The following EYA2 variants were observed in gnomAD, a reference collection of about 807,000 sequenced individuals.
EYA2 encodes protein phosphatase EYA2.
Under a neutral mutation model 69.2 loss-of-function variants are expected in EYA2, and 31 were observed. The ratio of observed to expected loss-of-function variants is 0.45; its 90% CI spans 0.34 to 0.60. The LOEUF (loss-of-function observed/expected upper bound fraction) is 0.60, where lower values mean the gene tolerates loss of function less well. Ranked by LOEUF, EYA2 falls within the 20% of genes least tolerant of loss-of-function variation. EYA2 has a pLI of 0.02. For missense variants in EYA2, 622 were observed against 701.2 expected, an observed-to-expected ratio of 0.89 and a Z score of 1.28; for synonymous variants, 257 against 279.4, an observed-to-expected ratio of 0.92 and a Z score of 0.80.
chr20:47,072,231 C>T lies in EYA2; in HGVS notation c.462C>T (p.Ala154=), dbSNP rs1174438598. 1.5e-5 allele frequency: 24 copies of T among 1,612,412 alleles called. No individual in the cohort carries two copies. Among genetic ancestry groups the T allele is most frequent in the Non-Finnish European group, 1.9e-5 (22 of 1,179,250 alleles). Residue 154 remains alanine, a synonymous_variant, in exon 6 of 16, where the codon GCC becomes GCT. Transcript: ENST00000327619. ...YQGGNGLGNA[A]GFGSVHQDYP... The stretch of plus-strand genomic sequence containing the variant: ...GAGGAAATGGACTGGGCAACGCAGC[C>T]GGTTTCGGGAGTGTGCACCAGGTAG...
chr20:47,112,862 CTTTTTTTTTTTTT>C lies in EYA2; in HGVS notation c.888+15709_888+15721del, dbSNP rs11473217. Among the ~76,000 whole-genome samples, 108 of 55,840 alleles carry C rather than the reference CTTTTTTTTTTTTT, an allele frequency of 1.9e-3. 1 individual carries two copies. Among genetic ancestry groups the C allele is most frequent in the African/African-American group, 5.8e-3 (103 of 17,638 alleles). The allele number at this position is 55,840 out of a possible 152,430, so 36.6% of individuals were successfully genotyped here. A position where few individuals can be genotyped will look rare whatever the true frequency, so the allele number is the denominator to read the frequency against. The stretch of plus-strand genomic sequence containing the variant: ...CAAAAGTTAGATTTCATGTTCACTC[CTTTTTTTTTTTTT>C]TTTTTTTTTTTTTTGAGACGGAGTC... On this transcript the variant is annotated intron_variant, in intron 9 of 15. Coordinates refer to ENST00000327619, the MANE Select transcript of EYA2 (RefSeq NM_005244.5).
chr20:47,161,615 A>G (rs2146633966), intron 10 of EYA2: 1 of 230,656 alleles, frequency 4.3e-6, no homozygotes. Context: ...CGCGGCTATG[A>G]CCCCAGCCCC....
intron 1 of EYA2, among the ~76,000 whole-genome samples, chr20:46,921,490 C>G (rs910615997): frequency 6.6e-6 from 1 of 152,218 alleles, no homozygotes; most frequent in African/African-American, 2.4e-5. Flanking sequence ...CATTACCCCA[C>G]TCTCCAGTTC....
chr20:47,078,669 T>G (rs1209638468), intron 7 of EYA2, among the ~76,000 whole-genome samples: 4 of 152,274 alleles, frequency 2.6e-5, no homozygotes, highest in Non-Finnish European at 5.9e-5. Flanking sequence ...ACATCTCATG[T>G]TACTTAAGAG....
At position 47,188,580 on chromosome 20, in the gene EYA2, GGT is replaced by G. The variant is rs1384032013; in HGVS notation, c.*448_*449del. ...GGTTTTTTGAACTGGTATGTGGGGT[GGT>G]TCACAGTTCTAATGTAAGCACTCTA... On this transcript the variant is annotated 3_prime_UTR_variant, in exon 16 of 16. Transcript: ENST00000327619. 1 of 424,812 alleles carries G rather than the reference GGT, an allele frequency of 2.4e-6. No homozygotes were observed. The highest frequency in any genetic ancestry group is 2.0e-5 in the African/African-American group (1 of 49,920). 26.3% of individuals were successfully genotyped at this position (424,812 alleles called of 1,614,324 possible). A position where few individuals can be genotyped will look rare whatever the true frequency, so the allele number is the denominator to read the frequency against.
chr20:47,001,354 G>A (rs971738113), intron 2 of EYA2, 74 bp from the exon 3 acceptor site: 3 of 1,338,508 alleles, frequency 2.2e-6, no homozygotes, highest in Non-Finnish European at 3.2e-6. Flanking sequence ...CTTAAGTGGT[G>A]TCTGAAGTCA....
chr20:46,995,168 TGG>T (rs1264707780), intron 2 of EYA2, among the ~76,000 whole-genome samples: 1 of 152,210 alleles, frequency 6.6e-6, no homozygotes, highest in Non-Finnish European at 1.5e-5. Flanking sequence ...CCCAAAGTGC[TGG>T]GATTAGAGGC....
intron 9 of EYA2, among the ~76,000 whole-genome samples, chr20:47,102,156 A>G (rs2032441105): frequency 1.3e-5 from 2 of 152,178 alleles, no homozygotes; most frequent in South Asian, 4.1e-4. Flanking sequence ...CCTCTCAGCA[A>G]TCCCAACTAA....
intron 10 of EYA2, among the ~76,000 whole-genome samples, chr20:47,150,061 C>T (rs770115704): frequency 6.6e-6 from 1 of 152,102 alleles, no homozygotes; most frequent in Non-Finnish European, 1.5e-5. Flanking sequence ...ATGGTGAGGG[C>T]AGTAGTAAGA....
At chr20:47,074,424 A>C in intron 7 of EYA2, 89 bp downstream of exon 7, 1 of 1,376,418 alleles carries the variant, frequency 7.3e-7, no homozygotes, top group Non-Finnish European at 1.0e-6. Flanking sequence ...CAATTGTAAC[A>C]AACAGGTTAC....
chr20:47,105,438 AACATG>A (rs1392053338), intron 9 of EYA2, among the ~76,000 whole-genome samples: 1 of 152,168 alleles, frequency 6.6e-6, no homozygotes, highest in Non-Finnish European at 1.5e-5. Flanking sequence ...CAGCCTGTCC[AACATG>A]ATGAAACCCT....
At chr20:47,103,616 G>C (rs565878200) in intron 9 of EYA2, among the ~76,000 whole-genome samples, 8 of 152,322 alleles carry the variant, frequency 5.3e-5, no homozygotes, top group African/African-American at 1.9e-4. Context: ...AAAGTTCAGA[G>C]TGTAGGGGGA....
intron 8 of EYA2, among the ~76,000 whole-genome samples, chr20:47,095,262 G>A (rs2032214657): frequency 6.6e-6 from 1 of 151,926 alleles, no homozygotes. Context: ...AGGGTTATAA[G>A]AGAAAGTTTA....
At chr20:47,157,512 C>CT (rs1285735727) in intron 10 of EYA2, among the ~76,000 whole-genome samples, 17 of 151,684 alleles carry the variant, frequency 1.1e-4, no homozygotes, top group African/African-American at 4.1e-4. Flanking sequence ...ATAGATAAGG[C>CT]TTTAGCAAGC....
intron 9 of EYA2, among the ~76,000 whole-genome samples, chr20:47,133,202 CAG>C (rs1333657930): frequency 6.6e-6 from 1 of 152,070 alleles, no homozygotes. Context: ...TGTAGGGTGA[CAG>C]AGATGGCTGC....
At chr20:46,948,147 GA>G (rs1209732541) in intron 1 of EYA2, among the ~76,000 whole-genome samples, 2 of 150,320 alleles carry the variant, frequency 1.3e-5, no homozygotes, top group Admixed American at 1.3e-4. Flanking sequence ...GAAAACAAAA[GA>G]AAAAAATTAC....
chr20:47,138,926 G>A (rs943302615), intron 9 of EYA2, among the ~76,000 whole-genome samples: 1 of 152,142 alleles, frequency 6.6e-6, no homozygotes, highest in African/African-American at 2.4e-5. Context: ...AACATTTTAT[G>A]TGTCTCTAAT....
chr20:47,161,518 C>A, intron 10 of EYA2: 2 of 428,438 alleles, frequency 4.7e-6, no homozygotes, highest in South Asian at 3.5e-5. Context: ...ATGTCCTTGA[C>A]CAGGTGGCCC....
chr20:46,915,090 A>G (rs1247595346), intron 1 of EYA2, among the ~76,000 whole-genome samples: 1 of 152,190 alleles, frequency 6.6e-6, no homozygotes, highest in Non-Finnish European at 1.5e-5. Flanking sequence ...ACTGCTCCCC[A>G]TCTCCCAAAG....
Sources: gnomAD v4.1 joint callset for allele counts (sites outside exome capture counted in the v4.1 genomes callset) on GRCh38, gnomAD v4.1.1 for gene constraint, MANE v1.5 for transcripts, NCBI Gene and HGNC (gene_info 2026-07-23, HGNC 2026-07-21) for gene names.